Variants in SIPA1L1 observed in about 807,000 individuals in gnomAD.
The protein encoded by SIPA1L1 is signal induced proliferation associated 1 like 1.
In SIPA1L1, 26 loss-of-function variants were observed where a neutral mutation model predicts 162.7. The ratio of observed to expected loss-of-function variants is 0.16; its 90% CI spans 0.12 to 0.22. The LOEUF is 0.22. SIPA1L1 is among the 10% of genes least tolerant of loss of function. The probability of loss-of-function intolerance (pLI) is 1.00; values close to 1 mark genes in which losing one functional copy is unlikely to be tolerated. For synonymous variants in SIPA1L1, 829 were observed against 837.4 expected, an observed-to-expected ratio of 0.99 and a Z score of 0.17; for missense variants, 1,874 against 2,241.0, an observed-to-expected ratio of 0.84 and a Z score of 3.31.
At chr14:71,323,179 C>G (rs2033324083) in intron 2 of SIPA1L1, among the ~76,000 whole-genome samples, 2 of 152,176 alleles carry the variant, frequency 1.3e-5, no homozygotes, top group African/African-American at 4.8e-5. Context: ...AAAACACTTT[C>G]TAGTGAGTTT....
intron 12 of SIPA1L1, among the ~76,000 whole-genome samples, chr14:71,673,978 C>T (rs1273593426): frequency 6.6e-6 from 1 of 152,214 alleles, no homozygotes; most frequent in Admixed American, 6.5e-5. Flanking sequence ...GGGGTTCTTG[C>T]TTATGACAGT....
chr14:71,418,754 A>G (rs2042970387), intron 2 of SIPA1L1, among the ~76,000 whole-genome samples: 1 of 152,188 alleles, frequency 6.6e-6, no homozygotes, highest in African/African-American at 2.4e-5. Flanking sequence ...AAATGTCTTC[A>G]CTAGTATTTA....
chr14:71,550,855 A>C (rs1003243487), intron 4 of SIPA1L1, among the ~76,000 whole-genome samples: 12 of 152,300 alleles, frequency 7.9e-5, no homozygotes, highest in Non-Finnish European at 1.2e-4. Context: ...GTTTGAGACC[A>C]GCCTGAGCAA....
intron 5 of SIPA1L1, among the ~76,000 whole-genome samples, chr14:71,611,463 T>C (rs1257096554): frequency 6.6e-6 from 1 of 151,978 alleles, no homozygotes; most frequent in African/African-American, 2.4e-5. Flanking sequence ...GTTACATAGG[T>C]GTACATGTGC....
rs769000302 is a variant in SIPA1L1 at position 71,724,800 on chromosome 14, G to A, written c.4579G>A (p.Glu1527Lys). The part of the protein sequence containing the change: ...EEDLKKLIDL[E>K]SPTPESQKSF... ...AGATCTAAAGAAACTAATTGATCTTGAAAGCCCAACTCCTGAATCACAGAA... is the reference window on the plus strand; with the variant it reads ...AGATCTAAAGAAACTAATTGATCTTAAAAGCCCAACTCCTGAATCACAGAA... The change falls in exon 19 of 24, where the codon GAA becomes AAA. Residue 1527 changes from glutamate to lysine, a missense_variant. Around this residue, in one of 5 missense-constraint regions of SIPA1L1, gnomAD observed 936 missense variants for 1,051.9 expected, o/e 0.89. Transcript: ENST00000381232. The A allele has an allele frequency of 6.2e-6, 10 of 1,614,146 alleles. No homozygotes were observed. In the South Asian group the frequency reaches 1.1e-4, roughly 18 times the overall value.
chr14:71,727,038 G>T (rs939225254), intron 19 of SIPA1L1, among the ~76,000 whole-genome samples: 1 of 152,056 alleles, frequency 6.6e-6, no homozygotes, highest in Non-Finnish European at 1.5e-5. Flanking sequence ...TTAATATTGA[G>T]TGGCAGGGTC....
At chr14:71,635,415 CA>C (rs1237342372) in intron 7 of SIPA1L1, among the ~76,000 whole-genome samples, 3 of 152,136 alleles carry the variant, frequency 2.0e-5, no homozygotes, top group Non-Finnish European at 2.9e-5. Flanking sequence ...ATAACAATGT[CA>C]AATGTGCTTT....
intron 5 of SIPA1L1, among the ~76,000 whole-genome samples, chr14:71,610,033 T>C (rs1243866253): frequency 6.6e-6 from 1 of 152,192 alleles, no homozygotes; most frequent in Non-Finnish European, 1.5e-5. Context: ...AAAAAAGACC[T>C]GGCAGCAGCT....
chr14:71,528,223 G>GA (rs1324031683), intron 3 of SIPA1L1, among the ~76,000 whole-genome samples: 1 of 152,084 alleles, frequency 6.6e-6, no homozygotes. Flanking sequence ...TTTCTCCTGA[G>GA]AACTGTCTCC....
chr14:71,636,263 C>T (rs933336913), intron 7 of SIPA1L1, among the ~76,000 whole-genome samples: 3 of 152,138 alleles, frequency 2.0e-5, no homozygotes, highest in Middle Eastern at 3.2e-3. Flanking sequence ...TTCAGTTGCA[C>T]ATGGAATGTA....
intron 22 of SIPA1L1, among the ~76,000 whole-genome samples, chr14:71,736,910 T>A: frequency 6.6e-6 from 1 of 152,340 alleles, no homozygotes; most frequent in East Asian, 1.9e-4. Flanking sequence ...TGAGCTGCAG[T>A]GGCTTTGCGA....
chr14:71,626,973 T>C (rs1267166772), intron 7 of SIPA1L1, among the ~76,000 whole-genome samples: 1 of 151,936 alleles, frequency 6.6e-6, no homozygotes, highest in Non-Finnish European at 1.5e-5. Flanking sequence ...CACAAAAATC[T>C]AATAATTTTT....
At chr14:71,390,594 A>G (rs2040666676) in intron 2 of SIPA1L1, among the ~76,000 whole-genome samples, 1 of 152,104 alleles carries the variant, frequency 6.6e-6, no homozygotes. Context: ...CCTGGACAAC[A>G]TGGTGAAGCC....
chr14:71,398,119 C>G (rs929796626), intron 2 of SIPA1L1, among the ~76,000 whole-genome samples: 3 of 151,408 alleles, frequency 2.0e-5, no homozygotes, highest in Admixed American at 6.6e-5. Context: ...GGGTTCACGC[C>G]ATTCTCCTGC....
In SIPA1L1 at chr14:71,328,259, T is replaced by C. The variant is rs572415990; in HGVS notation, c.-465+7078T>C. ...TAAAAGTTCAGGAACCTCAGCCTAATCTGGGTGAGATTGTTCTGAAGGCCA... is the reference window on the plus strand; with the variant it reads ...TAAAAGTTCAGGAACCTCAGCCTAACCTGGGTGAGATTGTTCTGAAGGCCA... On this transcript the variant is annotated intron_variant, in intron 2 of 23. Transcript: ENST00000381232. 5.3e-5 allele frequency among the ~76,000 whole-genome samples: 8 copies of C among 152,308 alleles called. No homozygotes were observed. The South Asian group carries it at 1.7e-3, about 32-fold the overall frequency.
At chr14:71,393,951 T>C (rs1043913286) in intron 2 of SIPA1L1, among the ~76,000 whole-genome samples, 14 of 152,234 alleles carry the variant, frequency 9.2e-5, no homozygotes, top group Non-Finnish European at 1.6e-4. Context: ...TACTAGAAAG[T>C]CACTTGTTAA....
chr14:71,451,945 G>A lies in SIPA1L1; in HGVS notation c.-464-60798G>A, dbSNP rs1400974434. Among the ~76,000 whole-genome samples, 9 of 152,036 alleles carry A rather than the reference G, an allele frequency of 5.9e-5. No homozygotes were observed. In the East Asian group the frequency reaches 7.7e-4, roughly 13 times the overall value. ...AATTATATACATCAAAAACAATTTC[G>A]TGAACAAAACACCACTCTGGTCTTC... On this transcript the variant is annotated intron_variant, in intron 2 of 23. Transcript: ENST00000381232.
intron 5 of SIPA1L1, among the ~76,000 whole-genome samples, chr14:71,603,284 AT>A: frequency 6.6e-6 from 1 of 151,470 alleles, no homozygotes; most frequent in South Asian, 2.1e-4. Context: ...TCATATATAT[AT>A]TTTTTTTCAA....
At chr14:71,615,933 T>G (rs1308820065) in intron 5 of SIPA1L1, among the ~76,000 whole-genome samples, 1 of 152,084 alleles carries the variant, frequency 6.6e-6, no homozygotes, top group Non-Finnish European at 1.5e-5. Flanking sequence ...GAGGCAGAGG[T>G]TGCAGTGAGC....
Sources: gnomAD v4.1 joint callset for allele counts (sites outside exome capture counted in the v4.1 genomes callset) on GRCh38, gnomAD v4.1.1 for gene constraint, gnomAD v4.1.1 regional missense constraint, MANE v1.5 for transcripts, NCBI Gene and HGNC (gene_info 2026-07-23, HGNC 2026-07-21) for gene names.